TTC6: variants seen among roughly 807,000 people sequenced by gnomAD.
TTC6 encodes tetratricopeptide repeat domain 6, also known as tetratricopeptide repeat protein 6.
In TTC6, 172 loss-of-function variants were observed where a neutral mutation model predicts 210.4. The observed-to-expected ratio is 0.82, with a 90% CI of 0.72 to 0.93. The LOEUF (loss-of-function observed/expected upper bound fraction) is 0.93. TTC6 is among the 40% of genes least tolerant of loss of function. TTC6 has a pLI of 0.00. For synonymous variants in TTC6, 804 were observed against 819.6 expected (o/e 0.98, Z 0.32); for missense variants, 2,414 against 2,318.1 (o/e 1.04, Z -0.85).
intron 1 of TTC6, among the ~76,000 whole-genome samples, chr14:37,603,418 G>A (rs1306576258): frequency 6.6e-6 from 1 of 152,234 alleles, no homozygotes; most frequent in Non-Finnish European, 1.5e-5. Context: ...AACCGCTATG[G>A]TGGTTGTGGT....
intron 7 of TTC6, among the ~76,000 whole-genome samples, chr14:37,726,168 A>C (rs1192285333): frequency 6.6e-6 from 1 of 151,820 alleles, no homozygotes; most frequent in Non-Finnish European, 1.5e-5. Context: ...GGATTATTTT[A>C]TTTGCACAGC....
At chr14:37,785,054 A>T (rs891671088) in intron 14 of TTC6, among the ~76,000 whole-genome samples, 7 of 152,042 alleles carry the variant, frequency 4.6e-5, no homozygotes, top group African/African-American at 1.7e-4. Context: ...TGCACTTAAG[A>T]TTTTTTCCTT....
chr14:37,636,053 AG>A (rs2095680110), intron 1 of TTC6, among the ~76,000 whole-genome samples: 1 of 151,992 alleles, frequency 6.6e-6, no homozygotes, highest in Non-Finnish European at 1.5e-5. Context: ...ATATTGTAAA[AG>A]GATCAACACA....
chr14:37,716,364 G>C (rs1297096658), intron 6 of TTC6, among the ~76,000 whole-genome samples: 4 of 151,978 alleles, frequency 2.6e-5, no homozygotes, highest in African/African-American at 4.8e-5. Flanking sequence ...AAATGTAAAT[G>C]GTTTGAATTT....
At chr14:37,770,890 T>C (rs1437499228) in intron 14 of TTC6, among the ~76,000 whole-genome samples, 3 of 149,926 alleles carry the variant, frequency 2.0e-5, no homozygotes, top group African/African-American at 7.4e-5. Context: ...TGCAGTTTCT[T>C]CCTAGTCTCG....
At chr14:37,684,742 G>A (rs2095790619) in intron 3 of TTC6, among the ~76,000 whole-genome samples, 1 of 152,142 alleles carries the variant, frequency 6.6e-6, no homozygotes, top group African/African-American at 2.4e-5. Flanking sequence ...ACTTTACACT[G>A]TATGTGGACA....
Position 37,598,332 on chromosome 14 carries a change from C to T in TTC6, c.-235+2324C>T, listed in dbSNP as rs1207665773. Among the ~76,000 whole-genome samples, 4 of 152,146 alleles carry T rather than the reference C, an allele frequency of 2.6e-5. No individual in the cohort carries two copies. The East Asian group carries it at 7.8e-4, about 30-fold the overall frequency. On this transcript the variant is annotated intron_variant, in intron 1 of 2. Transcript: ENST00000556845. The surrounding 1 kb of genome is among the most constrained non-coding windows in gnomAD (Gnocchi z 4.9). ...TGTGTTTAAGACGGGTCTGCGACAG[C>T]TTGGGGCGGTCCAGGTCGCGGGGAG... is the stretch of plus-strand genomic sequence containing the variant.
chr14:37,642,323 A>G lies in TTC6; in HGVS notation c.939+19320A>G, dbSNP rs545781863. 2.7e-3 allele frequency among the ~76,000 whole-genome samples: 411 copies of G among 152,290 alleles called. 4 individuals are homozygous for G. The highest frequency in any genetic ancestry group is 9.3e-3 in the African/African-American group (388 of 41,560). On this transcript the variant is annotated intron_variant, in intron 1 of 30. Coordinates refer to ENST00000553443, the Ensembl canonical transcript of TTC6. ...TTGGGCTGAGCACCTAAGGTAGCAC[A>G]TTTTGTCATCAGAGTGAAAGGATAC...
intron 14 of TTC6, among the ~76,000 whole-genome samples, chr14:37,766,840 G>A (rs1261069344): frequency 6.6e-6 from 1 of 151,820 alleles, no homozygotes; most frequent in Non-Finnish European, 1.5e-5. Flanking sequence ...TAGGGTACAT[G>A]TGCACATTGT....
intron 3 of TTC6, among the ~76,000 whole-genome samples, chr14:37,684,001 C>G (rs1394811736): frequency 6.6e-6 from 1 of 152,048 alleles, no homozygotes; most frequent in East Asian, 1.9e-4. Flanking sequence ...CTCCCCTCCC[C>G]ACCAATGATT....
In TTC6 at chr14:37,622,072, C is replaced by CTTTGGCCTG; in HGVS notation, c.8_9insTTTGGCCTG (p.Thr3_Ile4insLeuAlaTer). The CTTTGGCCTG allele has an allele frequency of 6.6e-7, 1 of 1,524,454 alleles. No individual in the cohort carries two copies. Among genetic ancestry groups the CTTTGGCCTG allele is most frequent in the Non-Finnish European group, 8.8e-7 (1 of 1,140,838 alleles). The allele number at this position is 1,524,454 out of a possible 1,614,324, so 94.4% of individuals were successfully genotyped here. On this transcript the variant is annotated stop_gained and inframe_insertion, in exon 1 of 31. Coordinates refer to ENST00000553443, the Ensembl canonical transcript of TTC6. LOFTEE classifies it high-confidence loss of function. ...CAGGTCAAATTTGTCAAGATGTCCACAATCCCGAGACACTTTGGCCTGAAA... is the reference window on the plus strand; with the variant it reads ...CAGGTCAAATTTGTCAAGATGTCCACTTTGGCCTGAATCCCGAGACACTTTGGCCTGAAA...
chr14:37,702,260 T>C (rs2095826865), intron 5 of TTC6, among the ~76,000 whole-genome samples: 1 of 152,222 alleles, frequency 6.6e-6, no homozygotes, highest in African/African-American at 2.4e-5. Flanking sequence ...TTGATAGTGA[T>C]AGAATCCAGG....
chr14:37,745,939 A>G (rs1443619121), intron 10 of TTC6, among the ~76,000 whole-genome samples: 1 of 152,182 alleles, frequency 6.6e-6, no homozygotes, highest in African/African-American at 2.4e-5. Context: ...CCTCCACTAT[A>G]GCTGGTTAGG....
intron 14 of TTC6, among the ~76,000 whole-genome samples, chr14:37,758,492 A>C (rs933064644): frequency 1.3e-5 from 2 of 152,144 alleles, no homozygotes; most frequent in Admixed American, 1.3e-4. Context: ...GTTTTATCAG[A>C]GACTAAGATT....
intron 5 of TTC6, among the ~76,000 whole-genome samples, chr14:37,707,222 G>T (rs547226529): frequency 6.6e-6 from 1 of 151,928 alleles, no homozygotes; most frequent in Admixed American, 6.6e-5. Flanking sequence ...TTTCCCTAGC[G>T]TATGTTTGAG....
chr14:37,774,470 G>A (rs893836457), intron 14 of TTC6, among the ~76,000 whole-genome samples: 1 of 151,760 alleles, frequency 6.6e-6, no homozygotes, highest in East Asian at 1.9e-4. Context: ...TTAACATAAA[G>A]GTTTCTGCGT....
intron 24 of TTC6, 106 bp downstream of exon 26, chr14:37,808,952 T>A: frequency 1.7e-6 from 1 of 594,908 alleles, no homozygotes; most frequent in Non-Finnish European, 2.9e-6. Context: ...AACAATATGT[T>A]AAAGCATTTG....
chr14:37,630,907 G>GTGTTTTTTTTTT (rs2095668293), intron 1 of TTC6, among the ~76,000 whole-genome samples: 1 of 33,064 alleles, frequency 3.0e-5, no homozygotes. Context: ...GGCAACCCCT[G>GTGTTTTTTTTTT]TTTTTTTTTT....
chr14:37,825,196 C>G (rs1157768514), intron 27 of TTC6, among the ~76,000 whole-genome samples: 3 of 152,098 alleles, frequency 2.0e-5, no homozygotes, highest in African/African-American at 4.8e-5. Flanking sequence ...CAGATGTGGT[C>G]TGGAGCAGAT....
Sources: allele counts gnomAD v4.1 joint callset (sites outside exome capture counted in the v4.1 genomes callset), GRCh38; gene constraint gnomAD v4.1.1; non-coding constraint Gnocchi (gnomAD v3.1); transcripts MANE v1.5; gene names NCBI Gene and HGNC (gene_info 2026-07-23, HGNC 2026-07-21).